ARHGEF4: variants seen among roughly 807,000 people sequenced by gnomAD.
The protein encoded by ARHGEF4 is APC-stimulated guanine nucleotide exchange factor 1.
A neutral mutation model predicts 162.0 loss-of-function variants in ARHGEF4; 119 were observed. That is an observed-to-expected ratio of 0.73 (90% CI 0.63 to 0.86). The LOEUF (loss-of-function observed/expected upper bound fraction) is 0.86, where lower values mean the gene tolerates loss of function less well. Ranked by LOEUF, ARHGEF4 falls within the 40% of genes least tolerant of loss-of-function variation. The pLI, the probability that ARHGEF4 is intolerant of heterozygous loss-of-function variation, is 0.00. For missense variants in ARHGEF4, 2,488 were observed against 2,456.0 expected, an observed-to-expected ratio of 1.01 and a Z score of -0.28; for synonymous variants, 1,014 against 979.9, an observed-to-expected ratio of 1.03 and a Z score of -0.65.
intron 3 of ARHGEF4, among the ~76,000 whole-genome samples, chr2:130,942,367 T>A (rs1231713586): frequency 6.6e-6 from 1 of 152,024 alleles, no homozygotes; most frequent in Non-Finnish European, 1.5e-5. Flanking sequence ...GCCAGGATGG[T>A]CTCGATCTCC....
At chr2:130,847,391 A>G (rs2104871237) in intron 1 of ARHGEF4, among the ~76,000 whole-genome samples, 1 of 152,338 alleles carries the variant, frequency 6.6e-6, no homozygotes. Flanking sequence ...CATCTGGAAG[A>G]CAGGAGGTTT....
intron 4 of ARHGEF4, among the ~76,000 whole-genome samples, chr2:131,008,771 A>G (rs1251041977): frequency 2.6e-5 from 4 of 152,138 alleles, no homozygotes; most frequent in African/African-American, 7.2e-5. Context: ...ACTAAAAGTA[A>G]TATTTACCAC....
At chr2:130,928,820 A>G (rs1349356003) in intron 2 of ARHGEF4, among the ~76,000 whole-genome samples, 1 of 152,142 alleles carries the variant, frequency 6.6e-6, no homozygotes, top group Non-Finnish European at 1.5e-5. Context: ...AGTCAAACTC[A>G]GATTATCCCA....
At chr2:131,021,699 T>C (rs1689148945) in intron 4 of ARHGEF4, among the ~76,000 whole-genome samples, 1 of 152,228 alleles carries the variant, frequency 6.6e-6, no homozygotes, top group South Asian at 2.1e-4. Flanking sequence ...CTTACAGTAC[T>C]ATGTTGAATA....
intron 2 of ARHGEF4, among the ~76,000 whole-genome samples, chr2:130,928,634 T>C (rs4330146): frequency 0.99 from 150,342 of 152,296 alleles, 74,233 homozygotes; most frequent in Middle Eastern, 1. Context: ...TCCTTCCCTG[T>C]GAACTCCAAG....
intron 1 of ARHGEF4, among the ~76,000 whole-genome samples, chr2:130,864,898 C>T (rs768964640): frequency 3.3e-5 from 5 of 152,168 alleles, no homozygotes; most frequent in Non-Finnish European, 7.3e-5. Context: ...TTTTAAACAG[C>T]GTGTGAGTGA....
At chr2:130,859,041 C>T (rs906634393) in intron 1 of ARHGEF4, among the ~76,000 whole-genome samples, 1 of 3,648 alleles carries the variant, frequency 2.7e-4, no homozygotes, top group African/African-American at 6.3e-4. Flanking sequence ...ATCTTTGCAT[C>T]TTGGGTTAGG....
chr2:130,967,150 C>A (rs1685059884), intron 4 of ARHGEF4, among the ~76,000 whole-genome samples: 1 of 152,212 alleles, frequency 6.6e-6, no homozygotes, highest in Non-Finnish European at 1.5e-5. Flanking sequence ...ACAAGGAATC[C>A]AGGCAGGGCC....
intron 1 of ARHGEF4, among the ~76,000 whole-genome samples, chr2:130,893,142 G>A (rs893229323): frequency 2.6e-5 from 4 of 152,152 alleles, no homozygotes; most frequent in Admixed American, 2.6e-4. Flanking sequence ...TTCACGCTAG[G>A]TTTCTCTTGC....
intron 4 of ARHGEF4, among the ~76,000 whole-genome samples, chr2:130,971,076 TTTGAG>T (rs1233021511): frequency 6.6e-6 from 1 of 152,232 alleles, no homozygotes; most frequent in South Asian, 2.1e-4. Context: ...TATGATCTAT[TTTGAG>T]TTAATTTTTT....
chr2:130,966,706 C>G (rs919482492), intron 4 of ARHGEF4, among the ~76,000 whole-genome samples: 4 of 152,220 alleles, frequency 2.6e-5, no homozygotes, highest in African/African-American at 9.6e-5. Context: ...CCTGACTGCT[C>G]ACACACTCGC....
intron 4 of ARHGEF4, among the ~76,000 whole-genome samples, chr2:131,004,612 G>A (rs188957579): frequency 2.0e-5 from 3 of 151,940 alleles, no homozygotes; most frequent in Admixed American, 1.3e-4. Flanking sequence ...GCCCGGCCTC[G>A]ATGGTCCTTC....
intron 1 of ARHGEF4, among the ~76,000 whole-genome samples, chr2:130,892,283 G>C (rs778007075): frequency 2.0e-5 from 3 of 152,184 alleles, no homozygotes; most frequent in Admixed American, 6.5e-5. Context: ...GATGTGGAGA[G>C]TTTCCCTCAC....
chr2:130,914,378 T>C lies in ARHGEF4; in HGVS notation c.432T>C (p.Asn144=). 1 of 1,446,686 alleles carries C rather than the reference T, an allele frequency of 6.9e-7. No individual in the cohort carries two copies. Among genetic ancestry groups the C allele is most frequent in the Non-Finnish European group, 9.0e-7 (1 of 1,105,062 alleles). 89.6% of individuals were successfully genotyped at this position (1,446,686 alleles called of 1,614,324 possible). A position where few individuals can be genotyped will look rare whatever the true frequency, so the allele number is the denominator to read the frequency against. Residue 144 remains asparagine, a synonymous_variant, in exon 2 of 14, where the codon AAT becomes AAC. Coordinates refer to ENST00000409359, the MANE Select transcript of ARHGEF4 (RefSeq NM_001367493.1). ...GCTTAGAGGATGACTCTTGCAAAAATGGGTGGCGAGCCTTTGCCACAGTTG... is the reference window on the plus strand; with the variant it reads ...GCTTAGAGGATGACTCTTGCAAAAACGGGTGGCGAGCCTTTGCCACAGTTG... ...SPSLEDDSCK[N]GWRAFATVAG... is the part of the protein sequence containing the mutation.
intron 4 of ARHGEF4, among the ~76,000 whole-genome samples, chr2:131,022,391 A>G (rs749967215): frequency 4.6e-5 from 7 of 151,996 alleles, no homozygotes; most frequent in Non-Finnish European, 1.0e-4. Context: ...TTGGTAGATT[A>G]TGTGTTTCTA....
At position 131,040,252 on chromosome 2, in the gene ARHGEF4, C is replaced by T. The variant is rs377418807; in HGVS notation, c.4483-9C>T. On this transcript the variant is annotated splice_polypyrimidine_tract_variant and intron_variant, in intron 7 of 13. Transcript: ENST00000409359. ...CGGTCGGGGGAGGCCTAACCACGTCCGCCCGCAGGGCTACGTCCGGCAGTG... is the reference window on the plus strand; with the variant it reads ...CGGTCGGGGGAGGCCTAACCACGTCTGCCCGCAGGGCTACGTCCGGCAGTG... The T allele has an allele frequency of 3.1e-6, 5 of 1,611,698 alleles. No homozygotes were observed. Among genetic ancestry groups the T allele is most frequent in the East Asian group, 2.2e-5 (1 of 44,858 alleles).
chr2:130,960,638 T>C (rs1220635196), intron 4 of ARHGEF4, among the ~76,000 whole-genome samples: 8 of 152,174 alleles, frequency 5.3e-5, no homozygotes, highest in Non-Finnish European at 1.0e-4. Context: ...AAACCTACCA[T>C]ATGATGGTAA....
In ARHGEF4 at chr2:130,916,701, TTTA is replaced by T; in HGVS notation, c.2758_2760del (p.Ile920del). ...CTTGGCTCATAAGACCTTTTCAAACTTTATTGAGTCAATAGTTCTAGAGAAAGA... is the reference window on the plus strand; with the variant it reads ...CTTGGCTCATAAGACCTTTTCAAACTTTGAGTCAATAGTTCTAGAGAAAGA... On this transcript the variant is annotated inframe_deletion, in exon 2 of 14. Transcript: ENST00000409359. 4 of 1,550,516 alleles carry T rather than the reference TTTA, an allele frequency of 2.6e-6. No individual in the cohort carries two copies. Among genetic ancestry groups the T allele is most frequent in the Non-Finnish European group, 3.5e-6 (4 of 1,146,906 alleles).
At chr2:130,994,436 AT>A (rs1219625723) in intron 4 of ARHGEF4, among the ~76,000 whole-genome samples, 2 of 152,226 alleles carry the variant, frequency 1.3e-5, no homozygotes, top group Non-Finnish European at 1.5e-5. Context: ...TAAAAGCCAA[AT>A]ATAAATCAAT....
Sources: allele counts gnomAD v4.1 joint callset (sites outside exome capture counted in the v4.1 genomes callset), GRCh38; gene constraint gnomAD v4.1.1; transcripts MANE v1.5; gene names NCBI Gene and HGNC (gene_info 2026-07-23, HGNC 2026-07-21).